Variants in NCKAP5 observed in about 807,000 individuals in gnomAD.
NCKAP5 encodes the protein NCK associated protein 5, also known as nck-associated protein 5.
In NCKAP5, 92 loss-of-function variants were observed where a neutral mutation model predicts 167.0. The ratio of observed to expected loss-of-function variants is 0.55; its 90% CI spans 0.47 to 0.66. The LOEUF is 0.66. Among genes scored for constraint, NCKAP5 ranks in the 30% least tolerant of loss-of-function variants. The pLI, the probability that NCKAP5 is intolerant of heterozygous loss-of-function variation, is 0.00. For missense variants in NCKAP5, 2,378 were observed against 2,315.0 expected (o/e 1.03, Z -0.56); for synonymous variants, 891 against 877.4 (o/e 1.02, Z -0.27).
chr2:133,605,250 GT>G, the NCKAP5 span, among the ~76,000 whole-genome samples: 2 of 152,126 alleles, frequency 1.3e-5, no homozygotes, highest in African/African-American at 4.8e-5. Flanking sequence ...CTTTAAATTG[GT>G]TGGTTGGTCC....
intron 3 of NCKAP5, among the ~76,000 whole-genome samples, chr2:133,334,878 G>A (rs1010826562): frequency 3.9e-5 from 6 of 152,144 alleles, no homozygotes; most frequent in Non-Finnish European, 5.9e-5. Context: ...TTGGTAAGAA[G>A]GATCAGGTTT....
intron 3 of NCKAP5, among the ~76,000 whole-genome samples, chr2:133,489,951 TC>T (rs1449151377): frequency 6.6e-6 from 1 of 152,132 alleles, no homozygotes; most frequent in Non-Finnish European, 1.5e-5. Context: ...CTAGCTGGGC[TC>T]TAAAGGGGAG....
intron 3 of NCKAP5, among the ~76,000 whole-genome samples, chr2:133,420,754 A>C (rs10193730): frequency 0.2 from 30,891 of 152,028 alleles, 3,204 homozygotes; most frequent in African/African-American, 0.24. Flanking sequence ...AACCGCCAGG[A>C]GGTTTTATTC....
intron 6 of NCKAP5, among the ~76,000 whole-genome samples, chr2:133,029,825 C>G (rs564252300): frequency 6.6e-6 from 1 of 152,276 alleles, no homozygotes; most frequent in Admixed American, 6.5e-5. Context: ...CCTGACTATT[C>G]ACTCTCATTT....
intron 16 of NCKAP5, among the ~76,000 whole-genome samples, chr2:132,733,736 C>T (rs1004189726): frequency 6.6e-6 from 1 of 152,136 alleles, no homozygotes. Context: ...TTGCCCATTC[C>T]CCTACCTTCC....
intron 5 of NCKAP5, among the ~76,000 whole-genome samples, chr2:133,155,629 T>A (rs2083548139): frequency 6.6e-6 from 1 of 152,200 alleles, no homozygotes; most frequent in Admixed American, 6.5e-5. Flanking sequence ...TATGCAGGTA[T>A]TTTTTAGACG....
Position 133,422,961 on chromosome 2 carries a change from A to G in NCKAP5, c.69+94497T>C, listed in dbSNP as rs142932961. Among the ~76,000 whole-genome samples the G allele has an allele frequency of 4.3e-3, 655 of 152,274 alleles. 4 individuals are homozygous for G. Among genetic ancestry groups the G allele is most frequent in the Middle Eastern group, 0.017 (5 of 294 alleles). On this transcript the variant is annotated intron_variant, in intron 3 of 19. Coordinates refer to ENST00000409261, the MANE Select transcript of NCKAP5 (RefSeq NM_207363.3). ...ACATTCAAAGGACCCCACCACCGGGAAGCCTAAGAGGCTGCCACGGAAAGT... is the reference window on the plus strand; with the variant it reads ...ACATTCAAAGGACCCCACCACCGGGGAGCCTAAGAGGCTGCCACGGAAAGT...
At chr2:133,204,092 C>G (rs1043589973) in intron 5 of NCKAP5, among the ~76,000 whole-genome samples, 1 of 152,142 alleles carries the variant, frequency 6.6e-6, no homozygotes, top group African/African-American at 2.4e-5. Context: ...CTTCACTAAC[C>G]CCAGATCATA....
At chr2:133,280,970 C>A (rs1297668982) in intron 4 of NCKAP5, among the ~76,000 whole-genome samples, 3 of 152,130 alleles carry the variant, frequency 2.0e-5, no homozygotes, top group Admixed American at 6.6e-5. Flanking sequence ...GGAATGCATA[C>A]TTTCAAAAAA....
the NCKAP5 span, among the ~76,000 whole-genome samples, chr2:133,668,331 C>T: frequency 3.9e-5 from 6 of 152,010 alleles, no homozygotes; most frequent in South Asian, 4.1e-4. Flanking sequence ...GGAAACACTA[C>T]GCTTAGCATT....
At chr2:132,903,604 G>C (rs1377575689) in intron 8 of NCKAP5, among the ~76,000 whole-genome samples, 1 of 152,064 alleles carries the variant, frequency 6.6e-6, no homozygotes, top group African/African-American at 2.4e-5. Context: ...CAATATCCTT[G>C]TCAGGTAAAT....
intron 3 of NCKAP5, among the ~76,000 whole-genome samples, chr2:133,388,571 C>T (rs1205677606): frequency 6.6e-6 from 1 of 152,222 alleles, no homozygotes; most frequent in Non-Finnish European, 1.5e-5. Context: ...AGCTGTCAGA[C>T]AGGGACATTT....
At chr2:132,952,463 C>G (rs1455957417) in intron 8 of NCKAP5, among the ~76,000 whole-genome samples, 1 of 152,216 alleles carries the variant, frequency 6.6e-6, no homozygotes, top group Non-Finnish European at 1.5e-5. Flanking sequence ...CCCCCCACTC[C>G]TTGGCTTACC....
At chr2:133,527,466 C>T (rs1685017187) in intron 2 of NCKAP5, among the ~76,000 whole-genome samples, 1 of 151,978 alleles carries the variant, frequency 6.6e-6, no homozygotes, top group South Asian at 2.1e-4. Flanking sequence ...ATTCATTCTT[C>T]ATGTATAGTA....
chr2:133,282,002 C>T (rs1163510342), intron 4 of NCKAP5, among the ~76,000 whole-genome samples: 1 of 152,154 alleles, frequency 6.6e-6, no homozygotes, highest in South Asian at 2.1e-4. Flanking sequence ...CTCAGAGGAG[C>T]AGGAGTTGCA....
At chr2:133,013,315 TG>T (rs1477982233) in intron 6 of NCKAP5, among the ~76,000 whole-genome samples, 1 of 152,158 alleles carries the variant, frequency 6.6e-6, no homozygotes, top group African/African-American at 2.4e-5. Flanking sequence ...CCTTTGGTAG[TG>T]TATTAGTCCG....
At chr2:132,935,231 G>T (rs1268441670) in intron 8 of NCKAP5, among the ~76,000 whole-genome samples, 1 of 152,170 alleles carries the variant, frequency 6.6e-6, no homozygotes, top group African/African-American at 2.4e-5. Context: ...TATCCACCTT[G>T]AAACAAGCCA....
intron 5 of NCKAP5, among the ~76,000 whole-genome samples, chr2:133,174,120 G>A (rs1388832109): frequency 2.0e-5 from 3 of 152,022 alleles, no homozygotes; most frequent in Non-Finnish European, 4.4e-5. Flanking sequence ...TGGCATTTAT[G>A]GCCATGTCTC....
chr2:132,809,287 T>C (rs1685674482), intron 11 of NCKAP5, among the ~76,000 whole-genome samples: 1 of 152,206 alleles, frequency 6.6e-6, no homozygotes, highest in Admixed American at 6.5e-5. Flanking sequence ...TAAGTCCATT[T>C]GTTCCAAGGT....
Sources: gnomAD v4.1 joint callset for allele counts (sites outside exome capture counted in the v4.1 genomes callset) on GRCh38, gnomAD v4.1.1 for gene constraint, MANE v1.5 for transcripts, NCBI Gene and HGNC (gene_info 2026-07-23, HGNC 2026-07-21) for gene names.